Variants in PPM1H observed in about 807,000 individuals in gnomAD.
The protein encoded by PPM1H is protein phosphatase, Mg2+/Mn2+ dependent 1H.
A neutral mutation model predicts 54.9 loss-of-function variants in PPM1H; 27 were observed. That is an observed-to-expected ratio of 0.49 (90% CI 0.36 to 0.68). PPM1H has a LOEUF of 0.68. Among genes scored for constraint, PPM1H ranks in the 30% least tolerant of loss-of-function variants. The pLI is 0.00. For synonymous variants in PPM1H, 305 were observed against 270.8 expected (o/e 1.13, Z -1.24); for missense variants, 596 against 667.8 (o/e 0.89, Z 1.19).
intron 1 of PPM1H, among the ~76,000 whole-genome samples, chr12:62,842,381 T>A (rs1016617438): frequency 4.7e-5 from 7 of 148,128 alleles, no homozygotes; most frequent in East Asian, 3.9e-4. Context: ...TTAAACAAAA[T>A]TTTTTTTGAA....
chr12:62,929,160 T>G (rs1872056972), intron 1 of PPM1H, among the ~76,000 whole-genome samples: 1 of 152,192 alleles, frequency 6.6e-6, no homozygotes, highest in Admixed American at 6.5e-5. Context: ...CATTTTAATT[T>G]AATTTCAAAG....
intron 4 of PPM1H, among the ~76,000 whole-genome samples, chr12:62,769,133 A>G (rs540285193): frequency 5.3e-5 from 8 of 152,292 alleles, no homozygotes; most frequent in African/African-American, 1.9e-4. Flanking sequence ...CTGGCAATGC[A>G]CTAAAACAGT....
chr12:62,688,145 C>T (rs1466565076), intron 8 of PPM1H, among the ~76,000 whole-genome samples: 2 of 152,182 alleles, frequency 1.3e-5, no homozygotes, highest in African/African-American at 4.8e-5. Context: ...CCCAAACTCC[C>T]TTGCAGCTAG....
intron 1 of PPM1H, among the ~76,000 whole-genome samples, chr12:62,868,491 T>G (rs1233253586): frequency 6.6e-6 from 1 of 152,082 alleles, no homozygotes; most frequent in Non-Finnish European, 1.5e-5. Context: ...AACCCACAGC[T>G]GGATTTTAAA....
chr12:62,777,186 T>A (rs17098303), intron 4 of PPM1H, among the ~76,000 whole-genome samples: 6,099 of 152,324 alleles, frequency 0.04, 138 homozygotes, highest in Middle Eastern at 0.068. Context: ...TGATGCAGTG[T>A]ACCAGCATTG....
At chr12:62,649,215 T>G (rs919050190) in intron 9 of PPM1H, among the ~76,000 whole-genome samples, 9 of 151,046 alleles carry the variant, frequency 6.0e-5, no homozygotes, top group Admixed American at 6.6e-5. Flanking sequence ...TTTTTTTAAT[T>G]TATTTAATTT....
intron 3 of PPM1H, among the ~76,000 whole-genome samples, chr12:62,793,437 A>G (rs1342271233): frequency 6.6e-6 from 1 of 151,904 alleles, no homozygotes; most frequent in Non-Finnish European, 1.5e-5. Flanking sequence ...GAGAAAGCAA[A>G]CAGAGGGCCG....
At chr12:62,735,589 T>C (rs555869479) in intron 5 of PPM1H, among the ~76,000 whole-genome samples, 21 of 152,292 alleles carry the variant, frequency 1.4e-4, no homozygotes, top group South Asian at 6.2e-4. Flanking sequence ...CTGTGTTGAA[T>C]ACTGGCAATA....
intron 1 of PPM1H, among the ~76,000 whole-genome samples, chr12:62,916,345 T>C (rs1021355518): frequency 2.0e-5 from 3 of 152,228 alleles, no homozygotes; most frequent in African/African-American, 4.8e-5. Context: ...CAATCTTAAC[T>C]ATCAAACCAT....
intron 2 of PPM1H, among the ~76,000 whole-genome samples, chr12:62,827,940 C>A (rs1363936012): frequency 1.3e-5 from 2 of 152,160 alleles, no homozygotes; most frequent in African/African-American, 4.8e-5. Flanking sequence ...ATCGACTCAG[C>A]ATTAGGAGGA....
chr12:62,703,975 CGTGTGTGTGTGTGTGTGT>C (rs4026211), intron 6 of PPM1H, among the ~76,000 whole-genome samples: 23 of 146,552 alleles, frequency 1.6e-4, no homozygotes, highest in Admixed American at 9.5e-4. Flanking sequence ...AGAGAGAAAG[CGTGTGTGTGTGTGTGTGT>C]GTGTGTGTGT....
At chr12:62,736,318 T>A (rs767984522) in intron 5 of PPM1H, among the ~76,000 whole-genome samples, 54 of 134,954 alleles carry the variant, frequency 4.0e-4, no homozygotes, top group Admixed American at 4.8e-4. Flanking sequence ...AGAATGAAGA[T>A]CTGAAGGCTG....
At chr12:62,781,351 G>A (rs984216853) in intron 4 of PPM1H, among the ~76,000 whole-genome samples, 5 of 152,202 alleles carry the variant, frequency 3.3e-5, no homozygotes, top group African/African-American at 1.2e-4. Flanking sequence ...ACTGCAGGTA[G>A]CAGGCTGCAG....
At chr12:62,650,264 A>G (rs2075808209) in intron 9 of PPM1H, among the ~76,000 whole-genome samples, 1 of 152,254 alleles carries the variant, frequency 6.6e-6, no homozygotes, top group Admixed American at 6.5e-5. Flanking sequence ...CATACACTAC[A>G]GCAGAAAGGA....
intron 7 of PPM1H, among the ~76,000 whole-genome samples, chr12:62,693,128 G>A (rs1012270899): frequency 1.3e-5 from 2 of 152,164 alleles, no homozygotes; most frequent in African/African-American, 4.8e-5. Context: ...TTAGTGTTCC[G>A]AGGAAGAATG....
intron 1 of PPM1H, among the ~76,000 whole-genome samples, chr12:62,878,626 TAAAAAAAAAAAAAAA>T (rs34587900): frequency 7.4e-4 from 60 of 81,580 alleles, no homozygotes; most frequent in Non-Finnish European, 1.2e-3. Flanking sequence ...TGATTACGCT[TAAAAAAAAAAAAAAA>T]AAAAAAAAAA....
At chr12:62,708,252 G>A (rs892179378) in intron 6 of PPM1H, among the ~76,000 whole-genome samples, 13 of 152,196 alleles carry the variant, frequency 8.5e-5, no homozygotes, top group East Asian at 1.9e-4. Flanking sequence ...GTAAGAGGAC[G>A]GTGGTGGTAG....
intron 6 of PPM1H, among the ~76,000 whole-genome samples, chr12:62,704,512 G>A (rs1400914220): frequency 2.6e-5 from 4 of 152,186 alleles, no homozygotes; most frequent in African/African-American, 7.2e-5. Flanking sequence ...ATGCTACCTT[G>A]TTTTCTTTCT....
intron 1 of PPM1H, among the ~76,000 whole-genome samples, chr12:62,834,606 T>C (rs1253161659): frequency 6.6e-6 from 1 of 152,152 alleles, no homozygotes; most frequent in Non-Finnish European, 1.5e-5. Context: ...CCAGCATCTC[T>C]GGCTATTGGA....
Sources: gnomAD v4.1 joint callset for allele counts (sites outside exome capture counted in the v4.1 genomes callset) on GRCh38, gnomAD v4.1.1 for gene constraint, MANE v1.5 for transcripts, NCBI Gene and HGNC (gene_info 2026-07-23, HGNC 2026-07-21) for gene names.